Variants in PDIA5 observed in about 807,000 individuals in gnomAD.
PDIA5 encodes the protein protein disulfide isomerase family A member 5.
In PDIA5, 58 loss-of-function variants were observed where a neutral mutation model predicts 77.6. The observed-to-expected ratio is 0.75, with a 90% CI of 0.61 to 0.93. The LOEUF (loss-of-function observed/expected upper bound fraction) is 0.93. Among genes scored for constraint, PDIA5 ranks in the 40% least tolerant of loss-of-function variants. The probability of loss-of-function intolerance (pLI) is 0.00; values close to 1 mark genes in which losing one functional copy is unlikely to be tolerated. For missense variants in PDIA5, 630 were observed against 647.7 expected, an observed-to-expected ratio of 0.97 and a Z score of 0.30; for synonymous variants, 250 against 252.1, an observed-to-expected ratio of 0.99 and a Z score of 0.08.
intron 16 of PDIA5, 171 bp downstream of exon 16, chr3:123,161,626 G>A: frequency 1.4e-6 from 1 of 731,696 alleles, no homozygotes; most frequent in Non-Finnish European, 2.2e-6. Context: ...CATTGTTGGA[G>A]GAGAGTCCCA....
chr3:123,148,167 C>A (rs1403879055), intron 13 of PDIA5, among the ~76,000 whole-genome samples: 1 of 152,206 alleles, frequency 6.6e-6, no homozygotes, highest in African/African-American at 2.4e-5. Context: ...CCCCAGTTTC[C>A]TATCTGTAAG....
chr3:123,073,070 G>T (rs139038069), intron 1 of PDIA5, among the ~76,000 whole-genome samples: 26 of 152,350 alleles, frequency 1.7e-4, no homozygotes, highest in African/African-American at 4.8e-4. Flanking sequence ...ACTGCCTGGA[G>T]CCTCTGGCTC....
chr3:123,074,808 TG>T (rs1933808313), intron 1 of PDIA5, among the ~76,000 whole-genome samples: 12 of 152,358 alleles, frequency 7.9e-5, no homozygotes, highest in Admixed American at 2.0e-4. Flanking sequence ...AAGATAAAGA[TG>T]TCATTTTTCT....
chr3:123,100,689 G>A (rs1429472287), intron 3 of PDIA5, among the ~76,000 whole-genome samples: 1 of 152,228 alleles, frequency 6.6e-6, no homozygotes, highest in Non-Finnish European at 1.5e-5. Context: ...TCTCCAGTAA[G>A]ACATGCTTCT....
chr3:123,094,611 C>CCAG (rs1177445428), intron 3 of PDIA5, among the ~76,000 whole-genome samples: 18 of 152,216 alleles, frequency 1.2e-4, no homozygotes, highest in Non-Finnish European at 1.5e-5. Flanking sequence ...CTAAGTGTGT[C>CCAG]CAGTCCGTGT....
rs1229004729 is a variant in PDIA5 at position 123,146,308 on chromosome 3, C to T, written c.1142+49C>T. The T allele has an allele frequency of 7.9e-6, 12 of 1,517,358 alleles. No individual in the cohort carries two copies. In the Admixed American group the frequency reaches 1.9e-4, roughly 24 times the overall value. The allele number at this position is 1,517,358 out of a possible 1,614,324, so 94.0% of individuals were successfully genotyped here. ...ACATCCTAACTGCCAGCTGGCGGCC[C>T]CTGGAGACCACCTTGAGGAGGTGAA... On this transcript the variant is annotated intron_variant, in intron 13 of 16. Coordinates refer to ENST00000316218, the MANE Select transcript of PDIA5 (RefSeq NM_006810.4).
chr3:123,071,894 G>A (rs35720277), intron 1 of PDIA5, among the ~76,000 whole-genome samples: 78,347 of 152,028 alleles, frequency 0.52, 22,254 homozygotes, highest in Non-Finnish European at 0.64. Flanking sequence ...AGGCAGAGAA[G>A]GAAACCTTCC....
At chr3:123,103,797 C>T (rs886667797) in intron 5 of PDIA5, among the ~76,000 whole-genome samples, 1 of 152,218 alleles carries the variant, frequency 6.6e-6, no homozygotes, top group Non-Finnish European at 1.5e-5. Context: ...ACTAGAGTTG[C>T]TCAGCCCTTC....
chr3:123,093,633 T>G (rs1381409808), intron 3 of PDIA5, among the ~76,000 whole-genome samples: 3 of 152,218 alleles, frequency 2.0e-5, no homozygotes, highest in Non-Finnish European at 4.4e-5. Flanking sequence ...GCATTTACTA[T>G]GTGCTTTGAG....
chr3:123,083,582 G>T (rs1934065563), intron 1 of PDIA5, among the ~76,000 whole-genome samples: 1 of 152,202 alleles, frequency 6.6e-6, no homozygotes, highest in Non-Finnish European at 1.5e-5. Flanking sequence ...AATGTAAAGA[G>T]CCTGCCAAGC....
At chr3:123,078,000 G>T (rs1933900487) in intron 1 of PDIA5, among the ~76,000 whole-genome samples, 1 of 151,932 alleles carries the variant, frequency 6.6e-6, no homozygotes, top group East Asian at 1.9e-4. Flanking sequence ...AGTAGATACG[G>T]GGTTTCACCA....
At chr3:123,122,725 C>G (rs1404490973) in intron 8 of PDIA5, among the ~76,000 whole-genome samples, 1 of 152,200 alleles carries the variant, frequency 6.6e-6, no homozygotes, top group Non-Finnish European at 1.5e-5. Context: ...GTGACTTGCC[C>G]AAGGTCACAT....
At chr3:123,080,514 A>G (rs1933972156) in intron 1 of PDIA5, among the ~76,000 whole-genome samples, 1 of 152,196 alleles carries the variant, frequency 6.6e-6, no homozygotes, top group African/African-American at 2.4e-5. Flanking sequence ...TTCATTTGTG[A>G]ATAGCTGGCA....
rs111619291 is a variant in PDIA5, at chr3:123,133,788, C to T, written c.910+3172C>T. Among the ~76,000 whole-genome samples the T allele has an allele frequency of 1.4e-4, 21 of 152,216 alleles. 1 individual carries two copies. Among genetic ancestry groups the T allele is most frequent in the African/African-American group, 4.8e-4 (20 of 41,526 alleles). On this transcript the variant is annotated intron_variant, in intron 11 of 16. Transcript: ENST00000316218. ...GACATTTTGAAGTACCCCAACAAAC[C>T]GAAATAGTGGGGCTCAAACTAAAAA... is the stretch of plus-strand genomic sequence containing the variant.
At chr3:123,145,708 G>A (rs2271632) in intron 12 of PDIA5, 116 bp downstream of exon 12, 23,580 of 790,134 alleles carry the variant, frequency 0.03, 748 homozygotes, top group East Asian at 0.16. Context: ...GTGGAGGCCA[G>A]CAGTACCTCT....
At chr3:123,089,902 G>A (rs1398631393) in intron 2 of PDIA5, among the ~76,000 whole-genome samples, 1 of 152,278 alleles carries the variant, frequency 6.6e-6, no homozygotes, top group Non-Finnish European at 1.5e-5. Flanking sequence ...GGACATAGCA[G>A]ATGGAGAGAG....
intron 5 of PDIA5, among the ~76,000 whole-genome samples, chr3:123,103,466 G>C (rs186244951): frequency 6.6e-6 from 1 of 152,148 alleles, no homozygotes. Context: ...TGGTCCTGAC[G>C]TGTTTGAACT....
intron 1 of PDIA5, among the ~76,000 whole-genome samples, chr3:123,077,680 TCCCCAA>T (rs1560494684): frequency 3.9e-5 from 6 of 152,152 alleles, no homozygotes; most frequent in African/African-American, 1.4e-4. Flanking sequence ...GGTAGTGAGA[TCCCCAA>T]GCTTGATTTA....
chr3:123,136,725 C>CAAAAAAAAAAAAAAAAAAA (rs59022235), intron 11 of PDIA5, among the ~76,000 whole-genome samples: 1 of 71,530 alleles, frequency 1.4e-5, no homozygotes, highest in Non-Finnish European at 2.5e-5. Flanking sequence ...GGTGACAAGA[C>CAAAAAAAAAAAAAAAAAAA]AAAAAAAAAA....
Sources: gnomAD v4.1 joint callset for allele counts (sites outside exome capture counted in the v4.1 genomes callset) on GRCh38, gnomAD v4.1.1 for gene constraint, MANE v1.5 for transcripts, NCBI Gene and HGNC (gene_info 2026-07-23, HGNC 2026-07-21) for gene names.